OPCML: variants seen among roughly 807,000 people sequenced by gnomAD.
OPCML encodes opioid binding protein/cell adhesion molecule like.
A neutral mutation model predicts 37.8 loss-of-function variants in OPCML; 13 were observed. The observed-to-expected ratio is 0.34, with a 90% CI of 0.22 to 0.55. The LOEUF is 0.55. Ranked by LOEUF, OPCML falls within the 20% of genes least tolerant of loss-of-function variation. OPCML has a pLI of 0.91. For synonymous variants in OPCML, 176 were observed against 168.8 expected (o/e 1.04, Z -0.33); for missense variants, 341 against 435.6 (o/e 0.78, Z 1.93).
chr11:133,231,937 G>A (rs1940297599), intron 1 of OPCML, among the ~76,000 whole-genome samples: 1 of 55,780 alleles, frequency 1.8e-5, no homozygotes, highest in Non-Finnish European at 3.3e-5. Context: ...AAAAGGCTTA[G>A]GATCCTACAA....
intron 1 of OPCML, among the ~76,000 whole-genome samples, chr11:133,517,261 TG>T (rs1948300311): frequency 6.6e-6 from 1 of 152,254 alleles, no homozygotes; most frequent in South Asian, 2.1e-4. Flanking sequence ...AAAAAATATG[TG>T]TAGTGATTAT....
In OPCML at chr11:132,657,334, G is replaced by A. The variant is rs1419666285; in HGVS notation, c.147-15C>T. The A allele has an allele frequency of 5.6e-6, 9 of 1,612,960 alleles. No individual in the cohort carries two copies. In the South Asian group the frequency reaches 8.8e-5, roughly 16 times the overall value. ...CTATGGTACACCTGCAGTGAGGCAG[G>A]GAGTGGTGGAGGGAGGAAGAAGGGA... On this transcript the variant is annotated splice_polypyrimidine_tract_variant and intron_variant, in intron 2 of 7. Transcript: ENST00000524381.
chr11:132,447,132 G>T (rs1232763811), intron 4 of OPCML, among the ~76,000 whole-genome samples: 3 of 152,126 alleles, frequency 2.0e-5, no homozygotes, highest in Non-Finnish European at 4.4e-5. Flanking sequence ...TGCCTTTGGG[G>T]GAATTAAAAC....
intron 2 of OPCML, among the ~76,000 whole-genome samples, chr11:132,675,910 G>A (rs1253911890): frequency 6.6e-6 from 1 of 152,028 alleles, no homozygotes; most frequent in Non-Finnish European, 1.5e-5. Context: ...CAACATTTCA[G>A]CTGGCTTCTT....
chr11:133,237,836 G>T (rs61210661), intron 1 of OPCML, among the ~76,000 whole-genome samples: 20,074 of 152,204 alleles, frequency 0.13, 2,192 homozygotes, highest in East Asian at 0.54. Flanking sequence ...CAGGTGCAGA[G>T]TTGGAACTAG....
chr11:133,002,550 G>T (rs562627699), intron 1 of OPCML, among the ~76,000 whole-genome samples: 42 of 152,278 alleles, frequency 2.8e-4, no homozygotes, highest in Admixed American at 1.9e-3. Context: ...AGTTCTGTGT[G>T]CCCACAGGGG....
In OPCML at chr11:133,368,248, G is replaced by T. The variant is rs554341063; in HGVS notation, c.61+164016C>A. ...ATATAGAGAAGGAAAAGGTGAGGTGGGGGGGGGAAGGAGAAGAACAGGGAG... is the reference window on the plus strand; with the variant it reads ...ATATAGAGAAGGAAAAGGTGAGGTGTGGGGGGGAAGGAGAAGAACAGGGAG... On this transcript the variant is annotated intron_variant, in intron 1 of 7. Coordinates refer to ENST00000524381, the MANE Select transcript of OPCML (RefSeq NM_001012393.5). Among the ~76,000 whole-genome samples, 5 of 7,980 alleles carry T rather than the reference G, an allele frequency of 6.3e-4. No homozygotes were observed. In the East Asian group the frequency reaches 0.17, roughly 266 times the overall value. 5.2% of individuals were successfully genotyped at this position (7,980 alleles called of 152,430 possible). A position where few individuals can be genotyped will look rare whatever the true frequency, so the allele number is the denominator to read the frequency against.
intron 2 of OPCML, among the ~76,000 whole-genome samples, chr11:132,751,150 C>T (rs1945818269): frequency 6.6e-6 from 1 of 152,174 alleles, no homozygotes; most frequent in South Asian, 2.1e-4. Flanking sequence ...AATCCAACCT[C>T]CCCTGTCCCT....
intron 1 of OPCML, chr11:133,302,475 C>T (rs1197266107): frequency 6.6e-6 from 1 of 152,172 alleles, no homozygotes; most frequent in Non-Finnish European, 1.5e-5. Flanking sequence ...GGTATTTCTT[C>T]ATAGCAAAGT....
At chr11:133,266,934 C>T (rs1941679190) in intron 1 of OPCML, among the ~76,000 whole-genome samples, 1 of 152,130 alleles carries the variant, frequency 6.6e-6, no homozygotes, top group Non-Finnish European at 1.5e-5. Context: ...TACATGGAAG[C>T]TACCTTTTAA....
chr11:132,526,781 T>A (rs1419032327), intron 4 of OPCML, among the ~76,000 whole-genome samples: 1 of 152,176 alleles, frequency 6.6e-6, no homozygotes, highest in African/African-American at 2.4e-5. Context: ...GCACTTTTTT[T>A]TACAGTTTTA....
At chr11:132,863,225 C>A (rs947077443) in intron 2 of OPCML, among the ~76,000 whole-genome samples, 10 of 152,314 alleles carry the variant, frequency 6.6e-5, no homozygotes, top group South Asian at 2.1e-4. Flanking sequence ...CTGAGCCCAA[C>A]AAGCTCACTC....
chr11:132,591,207 G>T (rs1315072574), intron 3 of OPCML, among the ~76,000 whole-genome samples: 1 of 152,146 alleles, frequency 6.6e-6, no homozygotes, highest in Non-Finnish European at 1.5e-5. Flanking sequence ...CTGTGGAAAT[G>T]ATTATGGCGC....
At chr11:133,507,855 A>G (rs56405523) in intron 1 of OPCML, among the ~76,000 whole-genome samples, 57,855 of 151,500 alleles carry the variant, frequency 0.38, 15,408 homozygotes, top group African/African-American at 0.75. Context: ...GCTGAGGCAG[A>G]AGAATCACTT....
At chr11:133,076,195 A>C (rs1948618784) in intron 1 of OPCML, among the ~76,000 whole-genome samples, 1 of 152,096 alleles carries the variant, frequency 6.6e-6, no homozygotes, top group African/African-American at 2.4e-5. Context: ...AATATTTTGT[A>C]GACACGCTTT....
At chr11:132,623,824 A>G (rs1471047770) in intron 3 of OPCML, among the ~76,000 whole-genome samples, 3 of 152,364 alleles carry the variant, frequency 2.0e-5, no homozygotes, top group Non-Finnish European at 2.9e-5. Context: ...AAAAAATAAT[A>G]TTAAAGAATA....
At chr11:132,549,422 T>C (rs998679979) in intron 3 of OPCML, among the ~76,000 whole-genome samples, 2 of 152,228 alleles carry the variant, frequency 1.3e-5, no homozygotes, top group African/African-American at 4.8e-5. Context: ...ACCATAAGTA[T>C]ATTCAGTCAA....
intron 4 of OPCML, among the ~76,000 whole-genome samples, chr11:132,523,115 C>G (rs1409228664): frequency 6.6e-6 from 1 of 152,168 alleles, no homozygotes; most frequent in Non-Finnish European, 1.5e-5. Flanking sequence ...CCCTGCTGGC[C>G]AAGCTGATCT....
At chr11:133,176,754 C>T (rs1422091513) in intron 1 of OPCML, among the ~76,000 whole-genome samples, 1 of 152,194 alleles carries the variant, frequency 6.6e-6, no homozygotes, top group Non-Finnish European at 1.5e-5. Context: ...AGCATCTTTT[C>T]TTTATAAATT....
Sources: gnomAD v4.1 joint callset for allele counts (sites outside exome capture counted in the v4.1 genomes callset) on GRCh38, gnomAD v4.1.1 for gene constraint, MANE v1.5 for transcripts, NCBI Gene and HGNC (gene_info 2026-07-23, HGNC 2026-07-21) for gene names.